The following FAM53B variants were observed in gnomAD, a reference collection of about 807,000 sequenced individuals.
FAM53B encodes protein FAM53B.
A neutral mutation model predicts 32.7 loss-of-function variants in FAM53B; 12 were observed. The observed-to-expected ratio is 0.37, with a 90% confidence interval of 0.24 to 0.59. The LOEUF (loss-of-function observed/expected upper bound fraction) is 0.59. FAM53B is among the 20% of genes least tolerant of loss of function. FAM53B has a pLI of 0.72. For missense variants in FAM53B, 477 were observed against 577.7 expected, an observed-to-expected ratio of 0.83 and a Z score of 1.79; for synonymous variants, 234 against 228.7, an observed-to-expected ratio of 1.02 and a Z score of -0.21.
intron 4 of FAM53B, among the ~76,000 whole-genome samples, chr10:124,636,630 A>G (rs974915268): frequency 7.1e-6 from 1 of 141,658 alleles, no homozygotes; most frequent in African/African-American, 2.6e-5. Context: ...CCTTAGCTGC[A>G]CCTGTCTTGT....
At chr10:124,740,756 G>C (rs1170183029) in intron 1 of FAM53B, among the ~76,000 whole-genome samples, 1 of 152,224 alleles carries the variant, frequency 6.6e-6, no homozygotes, top group South Asian at 2.1e-4. Context: ...TTTCAGAAAG[G>C]AGTTGAGGGA....
At chr10:124,729,696 A>G (rs950053966) in intron 1 of FAM53B, among the ~76,000 whole-genome samples, 2 of 152,288 alleles carry the variant, frequency 1.3e-5, no homozygotes, top group Admixed American at 6.5e-5. Context: ...AATGGACTGG[A>G]CTCCTGACTG....
chr10:124,625,044 G>A (rs1949337544), intron 4 of FAM53B, among the ~76,000 whole-genome samples: 1 of 152,218 alleles, frequency 6.6e-6, no homozygotes, highest in Admixed American at 6.5e-5. Context: ...CTCGCCGCAC[G>A]CCTGCTGACG....
intron 4 of FAM53B, among the ~76,000 whole-genome samples, chr10:124,640,837 G>C (rs924811293): frequency 2.0e-4 from 31 of 152,184 alleles, no homozygotes; most frequent in Non-Finnish European, 1.2e-4. Context: ...AGGAAGAGAG[G>C]AGGAGGAAAA....
At chr10:124,694,446 G>A (rs995086473) in intron 3 of FAM53B, among the ~76,000 whole-genome samples, 3 of 152,228 alleles carry the variant, frequency 2.0e-5, no homozygotes, top group Admixed American at 6.5e-5. Flanking sequence ...CTACAAGGGC[G>A]ACTCTCTCTG....
intron 1 of FAM53B, among the ~76,000 whole-genome samples, chr10:124,742,269 G>A (rs977162911): frequency 6.6e-6 from 1 of 152,186 alleles, no homozygotes; most frequent in Admixed American, 6.5e-5. Context: ...CTATCAACTG[G>A]GACAAGTAGC....
chr10:124,694,813 G>A (rs1301931835), intron 3 of FAM53B, among the ~76,000 whole-genome samples: 4 of 152,216 alleles, frequency 2.6e-5, no homozygotes, highest in Admixed American at 2.6e-4. Flanking sequence ...AGGGCCAGCT[G>A]ATCTCCCTGT....
At chr10:124,696,298 A>ACTT in intron 2 of FAM53B, 86 bp from the exon 3 acceptor site, 1 of 1,142,854 alleles carries the variant, frequency 8.8e-7, no homozygotes, top group Non-Finnish European at 1.3e-6. Context: ...TAAAGTCACA[A>ACTT]TAAAAGGGTG....
Position 124,623,140 on chromosome 10 carries a change from A to G in FAM53B, c.*102T>C. ...ACCCGACACCACTCAGGAAGCTTTC[A>G]TCAGGCCCACGAGTTGGGCTCCCCT... On this transcript the variant is annotated 3_prime_UTR_variant, in exon 5 of 5. Coordinates refer to ENST00000337318, the MANE Select transcript of FAM53B (RefSeq NM_014661.4). 7.0e-7 allele frequency: 1 copy of G among 1,431,870 alleles called. No individual in the cohort carries two copies. The highest frequency in any genetic ancestry group is 9.4e-7 in the Non-Finnish European group (1 of 1,069,312). The allele number at this position is 1,431,870 out of a possible 1,614,324, so 88.7% of individuals were successfully genotyped here.
intron 3 of FAM53B, among the ~76,000 whole-genome samples, chr10:124,685,031 C>T (rs1221721988): frequency 1.3e-5 from 2 of 152,138 alleles, no homozygotes; most frequent in African/African-American, 4.8e-5. Context: ...CAAGGAATAA[C>T]ATGGAGCATG....
At chr10:124,675,765 G>C (rs770544093) in intron 4 of FAM53B, among the ~76,000 whole-genome samples, 4 of 152,224 alleles carry the variant, frequency 2.6e-5, no homozygotes, top group Non-Finnish European at 5.9e-5. Flanking sequence ...ACAGCAGTGG[G>C]AGCACTGAGC....
chr10:124,639,722 C>T (rs1009088059), intron 4 of FAM53B, among the ~76,000 whole-genome samples: 5 of 152,106 alleles, frequency 3.3e-5, no homozygotes, highest in Non-Finnish European at 5.9e-5. Context: ...TGTTTAAATG[C>T]TTGGCAGAAT....
chr10:124,624,996 G>C (rs1196675642), intron 4 of FAM53B, among the ~76,000 whole-genome samples: 1 of 152,188 alleles, frequency 6.6e-6, no homozygotes, highest in Non-Finnish European at 1.5e-5. Context: ...GTGGGGACTG[G>C]GGAAGCAAAG....
At chr10:124,650,685 T>A (rs1949550445) in intron 4 of FAM53B, among the ~76,000 whole-genome samples, 1 of 152,148 alleles carries the variant, frequency 6.6e-6, no homozygotes, top group South Asian at 2.1e-4. Flanking sequence ...TTCCACCTAA[T>A]GCCTCCCAGA....
At chr10:124,693,806 G>C (rs1949850756) in intron 3 of FAM53B, among the ~76,000 whole-genome samples, 1 of 152,214 alleles carries the variant, frequency 6.6e-6, no homozygotes, top group Non-Finnish European at 1.5e-5. Context: ...AAGCAGTGCA[G>C]AATTCACTGT....
intron 4 of FAM53B, among the ~76,000 whole-genome samples, chr10:124,652,172 A>C (rs1392386284): frequency 6.6e-6 from 1 of 152,196 alleles, no homozygotes; most frequent in African/African-American, 2.4e-5. Context: ...GCCGGTGTCC[A>C]GCAATGGTTA....
At chr10:124,680,319 A>AC (rs1368344296) in intron 4 of FAM53B, among the ~76,000 whole-genome samples, 1 of 152,182 alleles carries the variant, frequency 6.6e-6, no homozygotes. Context: ...GCCCTCCCAT[A>AC]ATGCCCCAGC....
intron 4 of FAM53B, among the ~76,000 whole-genome samples, chr10:124,663,164 C>A (rs1949645391): frequency 6.6e-6 from 1 of 152,246 alleles, no homozygotes; most frequent in Non-Finnish European, 1.5e-5. Flanking sequence ...CTCATCCCTG[C>A]CTCTCAGAGC....
intron 4 of FAM53B, among the ~76,000 whole-genome samples, chr10:124,638,197 G>A (rs1384307628): frequency 1.3e-5 from 2 of 152,162 alleles, no homozygotes; most frequent in Non-Finnish European, 2.9e-5. Flanking sequence ...GTGAAACCCC[G>A]TCTCTACAAA....
Sources: allele counts gnomAD v4.1 joint callset (sites outside exome capture counted in the v4.1 genomes callset), GRCh38; gene constraint gnomAD v4.1.1; transcripts MANE v1.5; gene names NCBI Gene and HGNC (gene_info 2026-07-23, HGNC 2026-07-21).